Variants in MORC4 observed in about 807,000 individuals in gnomAD.
MORC4 encodes the protein MORC family CW-type zinc finger 4, also known as MORC family CW-type zinc finger protein 4.
A neutral mutation model predicts 65.5 loss-of-function variants in MORC4; 22 were observed. The observed-to-expected ratio is 0.34, with a 90% confidence interval of 0.24 to 0.48. MORC4 has a LOEUF of 0.48. Among genes scored for constraint, MORC4 ranks in the 20% least tolerant of loss-of-function variants. The pLI is 0.99. For synonymous variants in MORC4, 267 were observed against 255.8 expected (o/e 1.04, Z -0.42); for missense variants, 624 against 703.0 (o/e 0.89, Z 1.27).
intron 2 of MORC4, among the ~76,000 whole-genome samples, chrX:106,995,691 G>A (rs12856167): frequency 6.2e-5 from 7 of 112,256 alleles, no homozygotes; most frequent in African/African-American, 1.3e-4. Flanking sequence ...TGGGGGCCTA[G>A]GGCCTATATA....
intron 9 of MORC4, among the ~76,000 whole-genome samples, chrX:106,970,102 A>G (rs950317072): frequency 8.9e-6 from 1 of 112,063 alleles, no homozygotes; most frequent in East Asian, 2.8e-4. Flanking sequence ...AACCGAATCC[A>G]GCAGCACATC....
chrX:106,967,682 A>G (rs1468683910), intron 9 of MORC4, among the ~76,000 whole-genome samples: 1 of 112,419 alleles, frequency 8.9e-6, no homozygotes, highest in Non-Finnish European at 1.9e-5. Flanking sequence ...ACAAGCTTCA[A>G]TAGCAGATTT....
Position 106,999,950 on chromosome X carries a change from G to A in MORC4, c.20C>T (p.Ala7Val). 1 of 876,812 alleles carries A rather than the reference G, an allele frequency of 1.1e-6. No individual in the cohort carries two copies. Among genetic ancestry groups the A allele is most frequent in the Non-Finnish European group, 1.4e-6 (1 of 711,941 alleles). The allele number at this position is 876,812 out of a possible 1,213,427, so 72.3% of individuals were successfully genotyped here. A position where few individuals can be genotyped will look rare whatever the true frequency, so the allele number is the denominator to read the frequency against. The stretch of plus-strand genomic sequence containing the variant: ...GCCCGGCGCGCCAGGGCCGGCGGGG[G>A]CCCCTCGGTACAGGAGCATTTTTTT... MLLYRG[A>V]PAGPGAPGCG... The change falls in exon 1 of 17, where the codon GCC (alanine) becomes GTC (valine). Residue 7 changes from alanine to valine, a missense_variant. By Grantham distance (64) the Ala-to-Val change is moderately conservative. Coordinates refer to ENST00000355610, the MANE Select transcript of MORC4 (RefSeq NM_024657.5).
At chrX:106,951,995 C>CAAAAA (rs56864570) in intron 14 of MORC4, among the ~76,000 whole-genome samples, 5 of 31,665 alleles carry the variant, frequency 1.6e-4, no homozygotes, top group Non-Finnish European at 2.2e-4. Context: ...GACTCTGCCG[C>CAAAAA]AAAAAAAAAA....
intron 9 of MORC4, among the ~76,000 whole-genome samples, chrX:106,965,282 A>C (rs868099488): frequency 8.9e-6 from 1 of 112,032 alleles, no homozygotes; most frequent in South Asian, 3.7e-4. Context: ...CATAACTTAA[A>C]AGATATTAAA....
intron 9 of MORC4, among the ~76,000 whole-genome samples, chrX:106,966,547 T>C (rs1024674841): frequency 8.9e-6 from 1 of 112,160 alleles, no homozygotes; most frequent in Non-Finnish European, 1.9e-5. Flanking sequence ...AAGCCGTGAG[T>C]GACTGTACCT....
At chrX:106,969,487 G>A (rs957993082) in intron 9 of MORC4, among the ~76,000 whole-genome samples, 10 of 111,886 alleles carry the variant, frequency 8.9e-5, no homozygotes, top group Middle Eastern at 4.6e-3. Flanking sequence ...GAGCAGAAAT[G>A]AAGGAGATAG....
chrX:106,951,101 T>A (rs781251480), intron 14 of MORC4, among the ~76,000 whole-genome samples: 23 of 111,836 alleles, frequency 2.1e-4, no homozygotes, highest in Non-Finnish European at 3.8e-4. Context: ...CTAGATCATA[T>A]TTTTAAATGT....
At chrX:106,947,845 A>C (rs1318819941) in intron 14 of MORC4, among the ~76,000 whole-genome samples, 1 of 107,130 alleles carries the variant, frequency 9.3e-6, no homozygotes, top group African/African-American at 3.4e-5. Flanking sequence ...AACAGACAGA[A>C]CTGTAGAGAG....
chrX:106,993,517 C>T (rs1935019403), intron 2 of MORC4, among the ~76,000 whole-genome samples, 155 bp from the exon 3 acceptor site: 1 of 112,106 alleles, frequency 8.9e-6, no homozygotes, highest in Non-Finnish European at 1.9e-5. Flanking sequence ...AGTGCACTTA[C>T]TAAATTATAG....
chrX:106,947,571 T>TTATATATATATATATATATATTA (rs764069844), intron 14 of MORC4, among the ~76,000 whole-genome samples: 1 of 77,956 alleles, frequency 1.3e-5, no homozygotes, highest in Admixed American at 1.7e-4. Context: ...TATATATATA[T>TTATATATATATATATATATATTA]TATATATATA....
intron 5 of MORC4, among the ~76,000 whole-genome samples, chrX:106,982,497 A>G (rs1934769315): frequency 9.0e-6 from 1 of 111,669 alleles, no homozygotes; most frequent in African/African-American, 3.3e-5. Context: ...ATTTTCCAGG[A>G]TAATTCTGAT....
intron 14 of MORC4, among the ~76,000 whole-genome samples, chrX:106,954,638 T>C (rs1934058207): frequency 8.9e-6 from 1 of 112,239 alleles, no homozygotes; most frequent in African/African-American, 3.2e-5. Flanking sequence ...TTATTTCACT[T>C]GCACAATTCC....
At chrX:106,991,064 T>C (rs6616617) in intron 3 of MORC4, among the ~76,000 whole-genome samples, 19,688 of 110,739 alleles carry the variant, frequency 0.18, 1,706 homozygotes, top group East Asian at 0.54. Flanking sequence ...TTTGGTATGA[T>C]AGGGAAAATT....
chrX:106,947,580 TATATATATATA>T (rs1886802730), intron 14 of MORC4, among the ~76,000 whole-genome samples: 1 of 90,198 alleles, frequency 1.1e-5, no homozygotes, highest in African/African-American at 4.3e-5. Flanking sequence ...ATTATATATA[TATATATATATA>T]ATATATATAT....
intron 3 of MORC4, 39 bp downstream of exon 3, chrX:106,993,191 G>A: frequency 1.7e-6 from 2 of 1,179,773 alleles, no homozygotes; most frequent in South Asian, 3.8e-5. Flanking sequence ...TAGGGTTCAT[G>A]AGCTTAAGAC....
chrX:106,946,454 T>C (rs1284272690), intron 14 of MORC4, among the ~76,000 whole-genome samples: 1 of 112,771 alleles, frequency 8.9e-6, no homozygotes, highest in Non-Finnish European at 1.9e-5. Flanking sequence ...TTGTAGCACA[T>C]AATCAGTATT....
chrX:106,958,489 G>C, intron 10 of MORC4, 25 bp from the exon 11 acceptor site: 1 of 1,189,718 alleles, frequency 8.4e-7, no homozygotes, highest in African/African-American at 1.7e-5. Flanking sequence ...ATGGAAGTGT[G>C]ACTGTGTATA....
intron 2 of MORC4, 123 bp downstream of exon 2, chrX:106,999,554 C>G: frequency 7.2e-6 from 4 of 557,952 alleles, no homozygotes; most frequent in Non-Finnish European, 5.1e-6. Context: ...GGGGCCGGTT[C>G]CGAGGCCCCC....
Sources: allele counts gnomAD v4.1 joint callset (sites outside exome capture counted in the v4.1 genomes callset), GRCh38; gene constraint gnomAD v4.1.1; transcripts MANE v1.5; gene names NCBI Gene and HGNC (gene_info 2026-07-23, HGNC 2026-07-21).